ICE2: variants seen among roughly 807,000 people sequenced by gnomAD.
The protein encoded by ICE2 is interactor of little elongation complex ELL subunit 2, also known as little elongation complex subunit 2.
ICE2 carries 87 observed loss-of-function variants against 105.4 expected under a neutral mutation model. The ratio of observed to expected loss-of-function variants is 0.83; its 90% CI spans 0.69 to 0.99. The LOEUF (loss-of-function observed/expected upper bound fraction) is 0.99, where lower values mean the gene tolerates loss of function less well. ICE2 is among the 50% of genes least tolerant of loss of function. The probability of loss-of-function intolerance (pLI) is 0.00; values close to 1 mark genes in which losing one functional copy is unlikely to be tolerated. For synonymous variants in ICE2, 399 were observed against 392.0 expected (o/e 1.02, Z -0.21); for missense variants, 1,323 against 1,146.7 (o/e 1.15, Z -2.22).
chr15:60,478,742 C>T, intron 1 of ICE2: 1 of 348,694 alleles, frequency 2.9e-6, no homozygotes, highest in South Asian at 2.1e-5. Flanking sequence ...CACTTCGACC[C>T]AGTGTGGAGC....
chr15:60,459,832 T>A (rs557419743), intron 5 of ICE2, among the ~76,000 whole-genome samples: 1 of 151,826 alleles, frequency 6.6e-6, no homozygotes, highest in Admixed American at 6.6e-5. Flanking sequence ...ACATGTAAAT[T>A]CCAAACCAAC....
chr15:60,458,609 A>T (rs2064190585), intron 5 of ICE2, among the ~76,000 whole-genome samples: 1 of 152,160 alleles, frequency 6.6e-6, no homozygotes, highest in African/African-American at 2.4e-5. Flanking sequence ...ACATTTAAGC[A>T]GGGATTTGAA....
At chr15:60,463,804 G>C (rs2064345879) in intron 5 of ICE2, among the ~76,000 whole-genome samples, 1 of 151,882 alleles carries the variant, frequency 6.6e-6, no homozygotes, top group Admixed American at 6.6e-5. Flanking sequence ...AACAAAATCA[G>C]GCAAAAGAGA....
intron 5 of ICE2, among the ~76,000 whole-genome samples, chr15:60,462,450 C>T (rs1025115026): frequency 6.6e-6 from 1 of 152,050 alleles, no homozygotes; most frequent in African/African-American, 2.4e-5. Context: ...TGAGGTAATG[C>T]ATATGTTAAT....
In ICE2 at chr15:60,468,042, T is replaced by G. The variant is rs1320537444; in HGVS notation, c.408+19A>C. 2.7e-6 allele frequency: 4 copies of G among 1,493,132 alleles called. No homozygotes were observed. The highest frequency in any genetic ancestry group is 2.7e-6 in the Non-Finnish European group (3 of 1,116,098). 92.5% of individuals were successfully genotyped at this position (1,493,132 alleles called of 1,614,324 possible). On this transcript the variant is annotated intron_variant, in intron 4 of 15. Transcript: ENST00000261520. ...AATTTTTATTATTTTTTCCTGAAACTGAAGAACACAATACATACCAAGTAC... is the reference window on the plus strand; with the variant it reads ...AATTTTTATTATTTTTTCCTGAAACGGAAGAACACAATACATACCAAGTAC...
chr15:60,446,009 A>G (rs965012578), intron 11 of ICE2, among the ~76,000 whole-genome samples: 1 of 152,162 alleles, frequency 6.6e-6, no homozygotes, highest in Non-Finnish European at 1.5e-5. Flanking sequence ...TAGCAAATAA[A>G]GTCAAATCTT....
At chr15:60,446,976 G>T (rs968545852) in intron 11 of ICE2, among the ~76,000 whole-genome samples, 2 of 151,980 alleles carry the variant, frequency 1.3e-5, no homozygotes, top group African/African-American at 2.4e-5. Flanking sequence ...TAATATAGAA[G>T]ATTCCCTTTA....
rs1339763235 is a variant in ICE2 at position 60,442,464 on chromosome 15, G to A, written c.2377C>T (p.Arg793Cys). 3.7e-6 allele frequency: 6 copies of A among 1,600,378 alleles called. No individual in the cohort carries two copies. In the African/African-American group the frequency reaches 4.0e-5, roughly 11 times the overall value. The stretch of plus-strand genomic sequence containing the variant: ...TGCAATAAACTTTCAGTCCATAAGC[G>A]ACAAAGTTCACTTTCAGTCAGAGCT... ...VEALTESELC[R>C]LWTESLLHSN... The change falls in exon 12 of 16, where the codon CGC becomes TGC. Residue 793 changes from arginine (R) to cysteine (C), a missense_variant. Physicochemically the swap from Arg to Cys is radical, Grantham distance 180. Transcript: ENST00000261520.
intron 15 of ICE2, among the ~76,000 whole-genome samples, chr15:60,424,891 A>G (rs1235879914): frequency 6.6e-6 from 1 of 152,230 alleles, no homozygotes; most frequent in Non-Finnish European, 1.5e-5. Context: ...GAGAAGGCCA[A>G]TCTCACAGAG....
intron 14 of ICE2, among the ~76,000 whole-genome samples, chr15:60,430,290 A>G (rs909187428): frequency 2.0e-5 from 3 of 152,206 alleles, no homozygotes; most frequent in Admixed American, 2.0e-4. Flanking sequence ...CAAGGGATGC[A>G]GGTGGCCTCT....
intron 5 of ICE2, among the ~76,000 whole-genome samples, chr15:60,459,590 C>A (rs1172626668): frequency 6.6e-6 from 1 of 152,042 alleles, no homozygotes; most frequent in Non-Finnish European, 1.5e-5. Context: ...GGGCCAAAAT[C>A]TAGCAAACCT....
chr15:60,449,902 A>G (rs2063921037), intron 9 of ICE2, 61 bp from the exon 10 acceptor site: 1 of 1,191,876 alleles, frequency 8.4e-7, no homozygotes, highest in South Asian at 1.4e-5. Context: ...CCTATCTCTT[A>G]ATGTCCCTAT....
intron 15 of ICE2, among the ~76,000 whole-genome samples, chr15:60,426,416 A>G (rs1004233902): frequency 6.6e-6 from 1 of 152,234 alleles, no homozygotes; most frequent in African/African-American, 2.4e-5. Flanking sequence ...CTAAGTGTGT[A>G]GTAGACTACA....
chr15:60,429,640 G>C (rs2063412479), intron 14 of ICE2, among the ~76,000 whole-genome samples: 1 of 152,064 alleles, frequency 6.6e-6, no homozygotes, highest in African/African-American at 2.4e-5. Context: ...AAAAAATAAA[G>C]ATTTATCATA....
At chr15:60,452,289 G>A (rs1383969925) in intron 9 of ICE2, 2 of 895,968 alleles carry the variant, frequency 2.2e-6, no homozygotes, top group African/African-American at 3.6e-5. Context: ...AAAATTGTAT[G>A]AGCTCTTAAG....
At chr15:60,435,482 C>T (rs1331501578) in intron 13 of ICE2, among the ~76,000 whole-genome samples, 1 of 151,796 alleles carries the variant, frequency 6.6e-6, no homozygotes, top group African/African-American at 2.4e-5. Flanking sequence ...GCCTGTAATC[C>T]CAGCTACTCA....
chr15:60,471,954 C>T (rs952316761), intron 3 of ICE2, among the ~76,000 whole-genome samples: 1 of 151,814 alleles, frequency 6.6e-6, no homozygotes, highest in Non-Finnish European at 1.5e-5. Context: ...CTAAGTTAAA[C>T]GTGTTAGAGC....
chr15:60,436,096 C>T (rs986625471), intron 13 of ICE2, 47 bp downstream of exon 13: 1 of 716,984 alleles, frequency 1.4e-6, no homozygotes, highest in Non-Finnish European at 2.3e-6. Flanking sequence ...AATTAATGAT[C>T]ACATTAACAA....
At chr15:60,474,341 C>T (rs1389303794) in intron 3 of ICE2, among the ~76,000 whole-genome samples, 1 of 151,910 alleles carries the variant, frequency 6.6e-6, no homozygotes, top group East Asian at 1.9e-4. Flanking sequence ...ATATACGTAC[C>T]CTCCACTGAC....
Sources: allele counts gnomAD v4.1 joint callset (sites outside exome capture counted in the v4.1 genomes callset), GRCh38; gene constraint gnomAD v4.1.1; transcripts MANE v1.5; gene names NCBI Gene and HGNC (gene_info 2026-07-23, HGNC 2026-07-21).